C3: variants seen among roughly 807,000 people sequenced by gnomAD.
The protein encoded by C3 is complement C3.
C3 carries 97 observed loss-of-function variants against 207.9 expected under a neutral mutation model. The ratio of observed to expected loss-of-function variants is 0.47; its 90% CI spans 0.40 to 0.55. The LOEUF (loss-of-function observed/expected upper bound fraction) is 0.55, where lower values mean the gene tolerates loss of function less well. Among genes scored for constraint, C3 ranks in the 20% least tolerant of loss-of-function variants. The pLI, the probability that C3 is intolerant of heterozygous loss-of-function variation, is 0.00. For synonymous variants in C3, 848 were observed against 857.6 expected (o/e 0.99, Z 0.20); for missense variants, 1,684 against 2,171.7 (o/e 0.78, Z 4.46).
Position 6,719,151 on chromosome 19 carries a change from GA to G in C3, c.267+59del. ...AGACAGAAGGGGAGGGGCTCAGGAG[GA>G]GGGGGGGAGTGGGCGTGGCTGTGGG... On this transcript the variant is annotated intron_variant, in intron 2 of 40. Coordinates refer to ENST00000245907, the MANE Select transcript of C3 (RefSeq NM_000064.4). This position sits in a 1 kb window ranked among gnomAD's most constrained non-coding sequence, Gnocchi z 5.4. The G allele has an allele frequency of 7.0e-7, 1 of 1,420,242 alleles. No individual in the cohort carries two copies. Among genetic ancestry groups the G allele is most frequent in the Non-Finnish European group, 1.0e-6 (1 of 1,003,932 alleles). The allele number at this position is 1,420,242 out of a possible 1,614,324, so 88.0% of individuals were successfully genotyped here.
intron 19 of C3, among the ~76,000 whole-genome samples, chr19:6,698,490 A>T (rs1412654556): frequency 2.6e-5 from 4 of 152,154 alleles, no homozygotes; most frequent in Admixed American, 1.3e-4. Context: ...CTGGATTTGT[A>T]CTTTTATTTG....
Position 6,711,082 on chromosome 19 carries a change from G to A in C3, c.1384C>T (p.Arg462Cys), listed in dbSNP as rs1406717691. 2.5e-6 allele frequency: 4 copies of A among 1,613,968 alleles called. No homozygotes were observed. The highest frequency in any genetic ancestry group is 2.7e-5 in the African/African-American group (2 of 74,904). The change falls in exon 12 of 41, where the codon CGT becomes TGT. Residue 462 changes from arginine to cysteine, a missense_variant. Arg to Cys is a radical substitution (Grantham distance 180). Coordinates refer to ENST00000245907, the MANE Select transcript of C3 (RefSeq NM_000064.4). ...SNNYLHLSVLRTELRPGETLN... is the reference protein window; with the variant it reads ...SNNYLHLSVLCTELRPGETLN... Reference sequence around the variant, plus strand: ...GTCTCCCCGGGTCTGAGCTCTGTACGTAGCACTGAGAGATGCAGGTAATTG... The same window carrying A: ...GTCTCCCCGGGTCTGAGCTCTGTACATAGCACTGAGAGATGCAGGTAATTG...
rs1031486801 is a variant in C3 at position 6,692,851 on chromosome 19, C to G, written c.3390+73G>C. The G allele has an allele frequency of 3.2e-6, 5 of 1,551,554 alleles. No homozygotes were observed. In the African/African-American group the frequency reaches 5.4e-5, roughly 17 times the overall value. ...GGGCAGTGGGCACATGGAGGTGGGGCTCTCTCTCGTGTTCATCCTGCGAGA... is the reference window on the plus strand; with the variant it reads ...GGGCAGTGGGCACATGGAGGTGGGGGTCTCTCTCGTGTTCATCCTGCGAGA... On this transcript the variant is annotated intron_variant, in intron 26 of 40. Coordinates refer to ENST00000245907, the MANE Select transcript of C3 (RefSeq NM_000064.4).
chr19:6,714,451 G>A lies in C3; in HGVS notation c.505-5C>T, dbSNP rs1967989575. On this transcript the variant is annotated splice_polypyrimidine_tract_variant and splice_region_variant and intron_variant, in intron 4 of 40. Transcript: ENST00000245907. ...GACCGGGATGCCTTCCGGGTTCTGT[G>A]GGAGGCAGGAGGGAAGGATAGAGGA... 1.9e-6 allele frequency: 3 copies of A among 1,610,216 alleles called. No individual in the cohort carries two copies. The highest frequency in any genetic ancestry group is 1.7e-4 in the Middle Eastern group (1 of 6,056).
rs781250422 is a variant in C3, at chr19:6,713,417, T to C, written c.866A>G (p.Lys289Arg). ...EQRISLPESL[K>R]RIPIEDGSGE... The stretch of plus-strand genomic sequence containing the variant: ...CTCCGTCTATGGTACCGGAATGCGC[T>C]TGAGGGATTCAGGCAGGGAAATCCT... Residue 289 changes from lysine (K) to arginine (R), a missense_variant, in exon 8 of 41, where the codon AAG becomes AGG. By Grantham distance (26) the Lys-to-Arg change is conservative (BLOSUM62 2). Around this residue, in one of 3 missense-constraint regions of C3, gnomAD observed 1,280 missense variants for 1,739.1 expected, o/e 0.74. Coordinates refer to ENST00000245907, the MANE Select transcript of C3 (RefSeq NM_000064.4). 6.2e-7 allele frequency: 1 copy of C among 1,613,886 alleles called. No individual in the cohort carries two copies. The highest frequency in any genetic ancestry group is 1.3e-5 in the African/African-American group (1 of 74,990).
At position 6,710,759 on chromosome 19, in the gene C3, G is replaced by A. The variant is rs763883813; in HGVS notation, c.1566C>T (p.Thr522=). Residue 522 remains threonine (T), a synonymous_variant, in exon 13 of 41, where the codon ACC becomes ACT. Transcript: ENST00000245907. ...GGCGGAAGGAAGGGATGAAGTCGGT[G>A]GTGATGGACAGGGGCAGCACCACCA... The part of the protein sequence containing the change: ...QDLVVLPLSI[T]TDFIPSFRLV... The A allele has an allele frequency of 4.3e-6, 7 of 1,613,778 alleles. No homozygotes were observed. Among genetic ancestry groups the A allele is most frequent in the Admixed American group, 3.3e-5 (2 of 60,000 alleles).
intron 33 of C3, chr19:6,683,446 ATTTTTTTTTTTTTT>A (rs770744810): frequency 1.1e-5 from 1 of 93,430 alleles, no homozygotes; most frequent in African/African-American, 4.4e-5. Context: ...GTTTTATTCT[ATTTTTTTTTTTTTT>A]TTTTTTTTGA....
chr19:6,686,353 A>G, intron 28 of C3, 66 bp from the exon 29 acceptor site: 1 of 1,569,612 alleles, frequency 6.4e-7, no homozygotes, highest in Non-Finnish European at 8.8e-7. Flanking sequence ...GCTCAGAGAA[A>G]GCTCAGAAAG....
intron 13 of C3, 41 bp downstream of exon 13, chr19:6,710,598 G>A: frequency 1.4e-6 from 2 of 1,474,244 alleles, no homozygotes; most frequent in Non-Finnish European, 1.9e-6. Context: ...GAGAGGAGTA[G>A]GGAGAGGGAG....
intron 33 of C3, chr19:6,682,861 C>G (rs1012012429): frequency 6.5e-6 from 1 of 154,774 alleles, no homozygotes; most frequent in Admixed American, 6.3e-5. Context: ...CAATGTATCA[C>G]GAAAAGAGGG....
chr19:6,707,677 T>G, intron 15 of C3, 123 bp downstream of exon 15: 1 of 1,526,518 alleles, frequency 6.6e-7, no homozygotes, highest in Non-Finnish European at 9.0e-7. Context: ...AGGGGAGGGA[T>G]TTACTAGGTG....
chr19:6,692,474 G>T (rs561552286), intron 26 of C3, among the ~76,000 whole-genome samples: 1 of 152,278 alleles, frequency 6.6e-6, no homozygotes, highest in Non-Finnish European at 1.5e-5. Flanking sequence ...AAAGTGGGAG[G>T]CCACCAGGAT....
At chr19:6,693,336 C>T in intron 25 of C3, 76 bp downstream of exon 25, 3 of 1,446,466 alleles carry the variant, frequency 2.1e-6, no homozygotes, top group South Asian at 1.2e-5. Flanking sequence ...AGGGACCACC[C>T]CTGGCCAGGG....
chr19:6,711,362 G>T (rs1967920062), intron 11 of C3, among the ~76,000 whole-genome samples, 166 bp from the exon 12 acceptor site: 1 of 152,152 alleles, frequency 6.6e-6, no homozygotes, highest in South Asian at 2.1e-4. Context: ...TGTAGGTGGA[G>T]CTAATGTAAT....
chr19:6,696,383 CAGG>C lies in C3; in HGVS notation c.2943_2945del (p.Leu982del). 1.2e-6 allele frequency: 2 copies of C among 1,609,592 alleles called. No homozygotes were observed. The highest frequency in any genetic ancestry group is 1.7e-6 in the Non-Finnish European group (2 of 1,177,250). ...TCGGGGTCAAGGGTGTCTCACCTTG[CAGG>C]AGAATTCTGGTCTCAGACTCGGTGT... On this transcript the variant is annotated inframe_deletion, in exon 23 of 41. Transcript: ENST00000245907.
In C3 at chr19:6,702,231, G is replaced by T. The variant is rs116234907; in HGVS notation, c.2355-19C>A. Reference sequence around the variant, plus strand: ...AGAGATTCTGGATGGAGAAGAGGTTGGGGTATTAGGAGATGTCATCTAGCA... The same window carrying T: ...AGAGATTCTGGATGGAGAAGAGGTTTGGGTATTAGGAGATGTCATCTAGCA... On this transcript the variant is annotated intron_variant, in intron 18 of 40. Coordinates refer to ENST00000245907, the MANE Select transcript of C3 (RefSeq NM_000064.4). 8,275 of 1,493,668 alleles carry T rather than the reference G, an allele frequency of 5.5e-3. 384 individuals are homozygous for T. In the African/African-American group the frequency reaches 0.1, roughly 18 times the overall value. The allele number at this position is 1,493,668 out of a possible 1,614,324, so 92.5% of individuals were successfully genotyped here.
chr19:6,686,090 GA>G, intron 29 of C3, 33 bp downstream of exon 29: 3 of 1,610,132 alleles, frequency 1.9e-6, no homozygotes, highest in Non-Finnish European at 2.5e-6. Flanking sequence ...AGGAGACAGG[GA>G]TGCATGTGCC....
In C3 at chr19:6,686,278, C is replaced by T. The variant is rs369542526; in HGVS notation, c.3656G>A (p.Arg1219His). Residue 1219 changes from arginine (R) to histidine (H), a missense_variant, in exon 29 of 41, where the codon CGC becomes CAC. By Grantham distance (29) the Arg-to-His change is conservative. Coordinates refer to ENST00000245907, the MANE Select transcript of C3 (RefSeq NM_000064.4). ...GAGCTGCTTACCAGGGTCCTCCCAG[C>T]GGTTCTTATCTGCAAAGAAGATACC... Reference protein sequence around the residue: ...KFLTTAKDKNRWEDPGKQLYN... With the variant: ...KFLTTAKDKNHWEDPGKQLYN... 1.2e-5 allele frequency: 19 copies of T among 1,613,908 alleles called. No individual in the cohort carries two copies. The highest frequency in any genetic ancestry group is 1.7e-4 in the Middle Eastern group (1 of 5,958).
In C3 at chr19:6,712,494, G is replaced by A. The variant is rs374368486; in HGVS notation, c.1119+14C>T. 4.5e-5 allele frequency: 72 copies of A among 1,613,784 alleles called. No individual in the cohort carries two copies. Among genetic ancestry groups the A allele is most frequent in the East Asian group, 3.3e-4 (15 of 44,890 alleles). ...GAAGGGAGGAGTGGGACCCCTTCCC[G>A]CCCCGGGTCTCACCATGAGGTCAAA... On this transcript the variant is annotated intron_variant, in intron 10 of 40. Transcript: ENST00000245907.
Sources: allele counts gnomAD v4.1 joint callset (sites outside exome capture counted in the v4.1 genomes callset), GRCh38; gene constraint gnomAD v4.1.1; regional missense constraint gnomAD v4.1.1; non-coding constraint Gnocchi (gnomAD v3.1); transcripts MANE v1.5; gene names NCBI Gene and HGNC (gene_info 2026-07-23, HGNC 2026-07-21).